The following PCDH7 variants were observed in gnomAD, a reference collection of about 807,000 sequenced individuals.
PCDH7 encodes protocadherin-7.
PCDH7 carries 17 observed loss-of-function variants against 58.9 expected under a neutral mutation model. The observed-to-expected ratio is 0.29, with a 90% CI of 0.20 to 0.43. PCDH7 has a LOEUF of 0.43. Ranked by LOEUF, PCDH7 falls within the 20% of genes least tolerant of loss-of-function variation. The pLI, the probability that PCDH7 is intolerant of heterozygous loss-of-function variation, is 1.00. For missense variants in PCDH7, 1,274 were observed against 1,441.0 expected, an observed-to-expected ratio of 0.88 and a Z score of 1.88; for synonymous variants, 664 against 616.4, an observed-to-expected ratio of 1.08 and a Z score of -1.14.
chr4:31,010,714 T>G (rs2109151467), intron 3 of PCDH7, among the ~76,000 whole-genome samples: 1 of 152,114 alleles, frequency 6.6e-6, no homozygotes, highest in South Asian at 2.1e-4. Flanking sequence ...TGTCACATGC[T>G]TTAAATAGGT....
At chr4:31,113,831 C>CTTTTTT (rs35105911) in intron 3 of PCDH7, among the ~76,000 whole-genome samples, 5 of 107,488 alleles carry the variant, frequency 4.7e-5, no homozygotes, top group African/African-American at 1.1e-4. Context: ...GTTAACCTTT[C>CTTTTTT]TTTTTTTTTT....
chr4:30,926,830 T>C lies in PCDH7; in HGVS notation c.287+6461T>C, dbSNP rs58934950. 6.9e-3 allele frequency among the ~76,000 whole-genome samples: 1,052 copies of C among 152,300 alleles called. 11 individuals carry two copies. The highest frequency in any genetic ancestry group is 0.023 in the African/African-American group (952 of 41,550). On this transcript the variant is annotated intron_variant, in intron 2 of 3. Coordinates refer to the PCDH7 transcript ENST00000509759. The stretch of plus-strand genomic sequence containing the variant: ...TTAAGTGTTCTAGTTGAATGCATTA[T>C]TTTTCAGGTGTACACCTCCCTTTAA...
chr4:30,863,681 T>G (rs1331370628), intron 1 of PCDH7, among the ~76,000 whole-genome samples: 1 of 152,064 alleles, frequency 6.6e-6, no homozygotes, highest in Non-Finnish European at 1.5e-5. Flanking sequence ...TTCTTATACT[T>G]CTCCATATAC....
At chr4:30,909,430 C>T (rs1578252997) in intron 1 of PCDH7, among the ~76,000 whole-genome samples, 1 of 152,252 alleles carries the variant, frequency 6.6e-6, no homozygotes, top group Non-Finnish European at 1.5e-5. Flanking sequence ...ATTTAGAAAA[C>T]CCATCTTCTC....
intron 1 of PCDH7, among the ~76,000 whole-genome samples, chr4:30,845,131 G>C (rs559473839): frequency 6.6e-6 from 1 of 152,014 alleles, no homozygotes; most frequent in Admixed American, 6.6e-5. Context: ...TGAATTATGC[G>C]GTGCTCTAAT....
chr4:30,829,219 C>T (rs1729478279), intron 1 of PCDH7, among the ~76,000 whole-genome samples: 1 of 151,884 alleles, frequency 6.6e-6, no homozygotes, highest in Admixed American at 6.6e-5. Context: ...ACCCAGGGAA[C>T]CACATTATAG....
At chr4:30,962,677 G>A (rs1421763673) in intron 3 of PCDH7, among the ~76,000 whole-genome samples, 2 of 150,190 alleles carry the variant, frequency 1.3e-5, no homozygotes, top group African/African-American at 4.9e-5. Flanking sequence ...AGCTATTCTG[G>A]AGGCTGAGGC....
At chr4:31,032,409 ACCAAACTGG>A (rs1755005752) in intron 3 of PCDH7, among the ~76,000 whole-genome samples, 1 of 152,250 alleles carries the variant, frequency 6.6e-6, no homozygotes, top group Admixed American at 6.5e-5. Context: ...GATGTTGGAT[ACCAAACTGG>A]CCAACATGGC....
intron 3 of PCDH7, among the ~76,000 whole-genome samples, chr4:30,956,042 A>C (rs575164559): frequency 8.1e-4 from 122 of 151,484 alleles, no homozygotes; most frequent in Admixed American, 1.8e-3. Context: ...AACAAACAAA[A>C]AAAAAAAGCA....
intron 3 of PCDH7, among the ~76,000 whole-genome samples, chr4:31,114,832 T>C (rs1716801986): frequency 6.6e-6 from 1 of 152,200 alleles, no homozygotes; most frequent in Admixed American, 6.5e-5. Context: ...GAGCTATCTT[T>C]CAAAGACTTC....
intron 1 of PCDH7, among the ~76,000 whole-genome samples, chr4:30,753,794 T>A (rs1434883112): frequency 2.0e-5 from 3 of 152,196 alleles, no homozygotes; most frequent in African/African-American, 7.2e-5. Context: ...AGCCTTTTTT[T>A]AAGAATTCCT....
chr4:31,086,048 T>C (rs559468050), intron 3 of PCDH7, among the ~76,000 whole-genome samples: 1 of 152,298 alleles, frequency 6.6e-6, no homozygotes, highest in East Asian at 1.9e-4. Flanking sequence ...ATCAGGAAAC[T>C]GAGGGCTTTG....
chr4:30,850,141 G>A (rs770507660), intron 1 of PCDH7, among the ~76,000 whole-genome samples: 1 of 152,026 alleles, frequency 6.6e-6, no homozygotes, highest in Non-Finnish European at 1.5e-5. Context: ...TTTATTACAA[G>A]TACAACTGAA....
At chr4:31,102,670 T>C (rs1361115507) in intron 3 of PCDH7, among the ~76,000 whole-genome samples, 2 of 145,358 alleles carry the variant, frequency 1.4e-5, no homozygotes, top group Admixed American at 1.4e-4. Flanking sequence ...CAAAACTCCA[T>C]CTCAAAAAAA....
intron 3 of PCDH7, among the ~76,000 whole-genome samples, chr4:30,958,398 T>A (rs188025976): frequency 6.6e-6 from 1 of 152,120 alleles, no homozygotes; most frequent in Admixed American, 6.5e-5. Flanking sequence ...ATCATTGATG[T>A]TGCCTCAATG....
rs374166369 is a variant in PCDH7 at position 30,972,763 on chromosome 4, A to G, written c.*7+22548A>G. 7.2e-5 allele frequency among the ~76,000 whole-genome samples: 11 copies of G among 152,292 alleles called. No homozygotes were observed. In the East Asian group the frequency reaches 1.7e-3, roughly 24 times the overall value. On this transcript the variant is annotated intron_variant, in intron 3 of 3. Transcript: ENST00000509759. ...ACATGACATATAAAAATTTAGGCAC[A>G]ATCACGCCTAGTCCATCTCAACTGT...
At chr4:30,953,128 G>A (rs1260124241) in intron 3 of PCDH7, among the ~76,000 whole-genome samples, 2 of 152,050 alleles carry the variant, frequency 1.3e-5, no homozygotes, top group South Asian at 2.1e-4. Flanking sequence ...TATAAGACTT[G>A]CTTATCTCCA....
chr4:30,941,193 A>G (rs1230289497), intron 2 of PCDH7, among the ~76,000 whole-genome samples: 1 of 151,960 alleles, frequency 6.6e-6, no homozygotes, highest in Non-Finnish European at 1.5e-5. Flanking sequence ...TACATTAACT[A>G]AGAACAGTGT....
chr4:30,933,612 T>A (rs548527875), intron 2 of PCDH7, among the ~76,000 whole-genome samples: 13 of 152,294 alleles, frequency 8.5e-5, no homozygotes, highest in African/African-American at 3.1e-4. Flanking sequence ...CCACACTTCA[T>A]TTCTCTCCTT....
Sources: allele counts gnomAD v4.1 joint callset (sites outside exome capture counted in the v4.1 genomes callset), GRCh38; gene constraint gnomAD v4.1.1; transcripts MANE v1.5; gene names NCBI Gene and HGNC (gene_info 2026-07-23, HGNC 2026-07-21).